AFG2A: variants seen among roughly 807,000 people sequenced by gnomAD.
AFG2A encodes the protein ATPase family gene 2 protein homolog A.
At chr4:122,954,272 A>G in the AFG2A span, among the ~76,000 whole-genome samples, 1 of 152,134 alleles carries the variant, frequency 6.6e-6, no homozygotes, top group Non-Finnish European at 1.5e-5. Context: ...CCCGTGTCCC[A>G]TAGACAGAGA....
chr4:123,056,051 T>C, the AFG2A span, among the ~76,000 whole-genome samples: 1 of 152,230 alleles, frequency 6.6e-6, no homozygotes, highest in Non-Finnish European at 1.5e-5. Flanking sequence ...AGCCAGTGGT[T>C]AGGCCTGAGA....
At chr4:122,981,463 CTTTT>C in the AFG2A span, among the ~76,000 whole-genome samples, 6 of 118,988 alleles carry the variant, frequency 5.0e-5, no homozygotes, top group Admixed American at 8.3e-5. Flanking sequence ...ATGCCTACAG[CTTTT>C]TTTTTTTTTT....
the AFG2A span, among the ~76,000 whole-genome samples, chr4:123,235,701 T>A: frequency 6.6e-6 from 1 of 152,184 alleles, no homozygotes; most frequent in South Asian, 2.1e-4. Flanking sequence ...TATTTGGACT[T>A]CACCATGGAA....
the AFG2A span, among the ~76,000 whole-genome samples, chr4:123,114,555 C>T: frequency 2.6e-5 from 4 of 152,318 alleles, no homozygotes; most frequent in Middle Eastern, 3.4e-3. Context: ...TGGGCCACAA[C>T]AACGCTGGGA....
chr4:123,041,277 A>ATTTTTTTTT, the AFG2A span, among the ~76,000 whole-genome samples: 6 of 118,178 alleles, frequency 5.1e-5, no homozygotes, highest in African/African-American at 6.3e-5. Context: ...CGCCCAGCTA[A>ATTTTTTTTT]TTTTTTTTTT....
chr4:123,186,731 A>G, the AFG2A span, among the ~76,000 whole-genome samples: 1 of 152,196 alleles, frequency 6.6e-6, no homozygotes, highest in African/African-American at 2.4e-5. Context: ...TTTTGTGATA[A>G]AAGAACTGAA....
the AFG2A span, among the ~76,000 whole-genome samples, chr4:123,145,184 C>T: frequency 6.6e-6 from 1 of 152,008 alleles, no homozygotes; most frequent in African/African-American, 2.4e-5. Context: ...ATTTCTATTA[C>T]TCATTTTTCA....
chr4:123,298,867 A>G, the AFG2A span, among the ~76,000 whole-genome samples: 1 of 152,226 alleles, frequency 6.6e-6, no homozygotes, highest in Admixed American at 6.5e-5. Flanking sequence ...TATTAAAATG[A>G]GCAATCAGCA....
the AFG2A span, among the ~76,000 whole-genome samples, chr4:123,129,810 A>G: frequency 3.9e-5 from 6 of 152,114 alleles, no homozygotes; most frequent in Non-Finnish European, 7.4e-5. Context: ...GACCGATTCA[A>G]CCATCTACTT....
chr4:123,075,988 CAAAAA>C, the AFG2A span, among the ~76,000 whole-genome samples: 1 of 134,068 alleles, frequency 7.5e-6, no homozygotes, highest in South Asian at 2.3e-4. Flanking sequence ...AAAAAAAAAA[CAAAAA>C]AAAAAGAAAG....
chr4:123,190,158 G>A, the AFG2A span, among the ~76,000 whole-genome samples: 92,223 of 151,900 alleles, frequency 0.61, 29,107 homozygotes, highest in Non-Finnish European at 0.68. Context: ...CTTTACAACA[G>A]TACTGTGACT....
chr4:123,221,151 TTTG>T, the AFG2A span, among the ~76,000 whole-genome samples: 17 of 152,198 alleles, frequency 1.1e-4, no homozygotes, highest in African/African-American at 4.1e-4. Flanking sequence ...ATGTGAGTTT[TTTG>T]TTGTTGTTTT....
chr4:123,147,074 T>C, the AFG2A span, among the ~76,000 whole-genome samples: 1 of 152,220 alleles, frequency 6.6e-6, no homozygotes, highest in Admixed American at 6.5e-5. Flanking sequence ...ATATTATATA[T>C]TTGTGTTCCC....
the AFG2A span, among the ~76,000 whole-genome samples, chr4:123,044,395 T>C: frequency 1.3e-5 from 2 of 152,190 alleles, no homozygotes; most frequent in Non-Finnish European, 2.9e-5. Flanking sequence ...GTCTTGTTCT[T>C]TCAGTTATCC....
chr4:123,105,463 A>G, the AFG2A span, among the ~76,000 whole-genome samples: 1 of 152,204 alleles, frequency 6.6e-6, no homozygotes, highest in Non-Finnish European at 1.5e-5. Flanking sequence ...AAGGAGTAAT[A>G]TTGACTTTCA....
the AFG2A span, among the ~76,000 whole-genome samples, chr4:123,091,485 C>G: frequency 6.6e-6 from 1 of 152,134 alleles, no homozygotes; most frequent in Non-Finnish European, 1.5e-5. Context: ...ATTTATTCTT[C>G]CAGAGTTTTC....
the AFG2A span, among the ~76,000 whole-genome samples, chr4:123,155,461 C>A: frequency 1.3e-5 from 2 of 151,896 alleles, no homozygotes; most frequent in African/African-American, 4.8e-5. Context: ...TTCCTTCTTG[C>A]TAGTCAAAAT....
the AFG2A span, among the ~76,000 whole-genome samples, chr4:123,149,836 C>A: frequency 1.6e-5 from 2 of 126,956 alleles, no homozygotes; most frequent in African/African-American, 3.4e-5. Context: ...GTCAGAGTCT[C>A]ACTCTGTCGC....
the AFG2A span, among the ~76,000 whole-genome samples, chr4:123,104,523 A>T: frequency 1.3e-5 from 2 of 152,200 alleles, no homozygotes; most frequent in Non-Finnish European, 2.9e-5. Flanking sequence ...GAAATGATTA[A>T]GTTTCATGAG....
Sources: gnomAD v4.1 joint callset for allele counts (sites outside exome capture counted in the v4.1 genomes callset) on GRCh38, gnomAD v4.1.1 for gene constraint, MANE v1.5 for transcripts, NCBI Gene and HGNC (gene_info 2026-07-23, HGNC 2026-07-21) for gene names.